Variants in LAMA2 observed in about 807,000 individuals in gnomAD.
The protein encoded by LAMA2 is laminin subunit alpha-2.
Under a neutral mutation model 364.8 loss-of-function variants are expected in LAMA2, and 269 were observed. That is an observed-to-expected ratio of 0.74 (90% CI 0.67 to 0.82). LAMA2 has a LOEUF of 0.82. Among genes scored for constraint, LAMA2 ranks in the 40% least tolerant of loss-of-function variants. The pLI, the probability that LAMA2 is intolerant of heterozygous loss-of-function variation, is 0.00. For synonymous variants in LAMA2, 1,379 were observed against 1,370.6 expected, an observed-to-expected ratio of 1.01 and a Z score of -0.14; for missense variants, 3,807 against 3,873.2, an observed-to-expected ratio of 0.98 and a Z score of 0.45.
intron 51 of LAMA2, among the ~76,000 whole-genome samples, chr6:129,472,035 T>C (rs1467253450): frequency 1.3e-5 from 2 of 151,960 alleles, no homozygotes. Flanking sequence ...TATTTCGTGG[T>C]CAAATAAATT....
intron 17 of LAMA2, among the ~76,000 whole-genome samples, chr6:129,276,076 C>T (rs1490009155): frequency 6.6e-6 from 1 of 152,072 alleles, no homozygotes; most frequent in Non-Finnish European, 1.5e-5. Flanking sequence ...ATTTATGACG[C>T]TAACACCAAA....
chr6:129,156,808 A>T (rs1779141918), intron 8 of LAMA2, among the ~76,000 whole-genome samples: 1 of 152,156 alleles, frequency 6.6e-6, no homozygotes, highest in African/African-American at 2.4e-5. Context: ...ATGTTAAAAA[A>T]TAAAGCTGGT....
At chr6:129,492,905 G>A (rs1784948852) in intron 58 of LAMA2, among the ~76,000 whole-genome samples, 1 of 152,158 alleles carries the variant, frequency 6.6e-6, no homozygotes, top group South Asian at 2.1e-4. Flanking sequence ...TGTAATCCTA[G>A]CACTTTGGGA....
intron 1 of LAMA2, among the ~76,000 whole-genome samples, chr6:128,942,098 A>G (rs1780197763): frequency 6.6e-6 from 1 of 152,196 alleles, no homozygotes; most frequent in South Asian, 2.1e-4. Context: ...AAGCACAAAT[A>G]GTATGACCTT....
chr6:129,353,096 C>A (rs540516307), intron 31 of LAMA2, 68 bp from the exon 32 acceptor site: 1 of 1,250,682 alleles, frequency 8.0e-7, no homozygotes, highest in Non-Finnish European at 1.1e-6. Context: ...AAACAAAAGA[C>A]CACACACAAC....
chr6:129,047,958 G>A (rs892224478), intron 1 of LAMA2, among the ~76,000 whole-genome samples: 10 of 152,290 alleles, frequency 6.6e-5, no homozygotes, highest in Non-Finnish European at 1.0e-4. Flanking sequence ...TAAGAGGATA[G>A]ACTCTGGAGC....
chr6:129,255,858 A>T (rs935380745), intron 14 of LAMA2, among the ~76,000 whole-genome samples: 2 of 152,174 alleles, frequency 1.3e-5, no homozygotes, highest in Non-Finnish European at 2.9e-5. Flanking sequence ...TACTGATAAC[A>T]CTAGGACTTA....
chr6:129,321,023 T>C (rs1199136260), intron 28 of LAMA2, among the ~76,000 whole-genome samples: 1 of 152,228 alleles, frequency 6.6e-6, no homozygotes, highest in African/African-American at 2.4e-5. Context: ...AATATTTTTA[T>C]ATAGAACACG....
intron 1 of LAMA2, among the ~76,000 whole-genome samples, chr6:128,885,224 A>G (rs1448041498): frequency 1.3e-5 from 2 of 152,192 alleles, no homozygotes; most frequent in Non-Finnish European, 2.9e-5. Context: ...AGGTTGGCTC[A>G]AGGATAAATG....
chr6:129,061,064 C>CACTATCAGAG (rs1179512726), intron 3 of LAMA2, among the ~76,000 whole-genome samples: 13 of 152,094 alleles, frequency 8.5e-5, no homozygotes, highest in African/African-American at 3.1e-4. Flanking sequence ...AATGGCAGGG[C>CACTATCAGAG]AAGCTACCAC....
chr6:129,114,371 A>G (rs892667464), intron 4 of LAMA2, among the ~76,000 whole-genome samples: 2 of 152,058 alleles, frequency 1.3e-5, no homozygotes, highest in Non-Finnish European at 2.9e-5. Context: ...TGAGTAAACA[A>G]GTCATCTTAT....
At chr6:129,133,843 T>TAC (rs376172340) in intron 4 of LAMA2, among the ~76,000 whole-genome samples, 55 of 151,614 alleles carry the variant, frequency 3.6e-4, no homozygotes, top group African/African-American at 1.3e-3. Context: ...ACTCGTAAAA[T>TAC]ACACACACAC....
chr6:129,248,737 T>A (rs922159376), intron 12 of LAMA2, among the ~76,000 whole-genome samples: 4 of 152,168 alleles, frequency 2.6e-5, no homozygotes, highest in Admixed American at 6.5e-5. Context: ...TAAAACTTTT[T>A]TTTCTCCTGC....
intron 9 of LAMA2, among the ~76,000 whole-genome samples, chr6:129,167,822 C>T (rs1252760805): frequency 2.0e-5 from 3 of 151,350 alleles, no homozygotes; most frequent in Admixed American, 6.6e-5. Context: ...CTCTCCAGCA[C>T]CTGTTGTTTC....
chr6:129,054,724 C>T (rs1199686641), intron 2 of LAMA2, among the ~76,000 whole-genome samples: 2 of 147,626 alleles, frequency 1.4e-5, no homozygotes, highest in African/African-American at 4.9e-5. Flanking sequence ...ATAATATACA[C>T]ATATAAGTAT....
intron 1 of LAMA2, among the ~76,000 whole-genome samples, chr6:128,995,897 G>A (rs1783906209): frequency 6.6e-6 from 1 of 152,042 alleles, no homozygotes; most frequent in South Asian, 2.1e-4. Flanking sequence ...TCTTTAGGAC[G>A]TTTAGAGTTT....
At chr6:129,268,485 A>G (rs544242925) in intron 16 of LAMA2, among the ~76,000 whole-genome samples, 29 of 152,232 alleles carry the variant, frequency 1.9e-4, no homozygotes, top group African/African-American at 7.0e-4. Flanking sequence ...ATGATGTTCC[A>G]TATAGTCATA....
At chr6:129,208,519 G>C (rs547459409) in intron 12 of LAMA2, among the ~76,000 whole-genome samples, 3 of 137,622 alleles carry the variant, frequency 2.2e-5, no homozygotes, top group South Asian at 2.3e-4. Flanking sequence ...GGCAGAAAGA[G>C]AAAAAGAAAG....
chr6:129,464,227 G>T, intron 49 of LAMA2, 63 bp from the exon 50 acceptor site: 1 of 1,325,578 alleles, frequency 7.5e-7, no homozygotes, highest in Non-Finnish European at 1.1e-6. Flanking sequence ...ATTCAGTGAT[G>T]CATTGAATAA....
Sources: gnomAD v4.1 joint callset for allele counts (sites outside exome capture counted in the v4.1 genomes callset) on GRCh38, gnomAD v4.1.1 for gene constraint, MANE v1.5 for transcripts, NCBI Gene and HGNC (gene_info 2026-07-23, HGNC 2026-07-21) for gene names.